Variants in NUP58 observed in about 807,000 individuals in gnomAD.
The protein encoded by NUP58 is nucleoporin p58/p45.
A neutral mutation model predicts 70.1 loss-of-function variants in NUP58; 17 were observed. That is an observed-to-expected ratio of 0.24 (90% CI 0.17 to 0.36). NUP58 has a LOEUF of 0.36. Ranked by LOEUF, NUP58 falls within the 10% of genes least tolerant of loss-of-function variation. The probability of loss-of-function intolerance (pLI) is 1.00; values close to 1 mark genes in which losing one functional copy is unlikely to be tolerated. For synonymous variants in NUP58, 275 were observed against 257.6 expected, an observed-to-expected ratio of 1.07 and a Z score of -0.65; for missense variants, 644 against 701.5, an observed-to-expected ratio of 0.92 and a Z score of 0.93.
At chr13:25,330,252 G>A (rs2137809868) in intron 12 of NUP58, among the ~76,000 whole-genome samples, 1 of 152,314 alleles carries the variant, frequency 6.6e-6, no homozygotes, top group South Asian at 2.1e-4. Flanking sequence ...GGGTGGATTT[G>A]CAAGAGATCG....
At chr13:25,312,493 G>A (rs887444628) in intron 3 of NUP58, among the ~76,000 whole-genome samples, 1 of 152,082 alleles carries the variant, frequency 6.6e-6, no homozygotes, top group Admixed American at 6.5e-5. Context: ...TCAGCCTCCC[G>A]AGTAGCTGGG....
intron 7 of NUP58, among the ~76,000 whole-genome samples, chr13:25,319,728 G>A (rs972586367): frequency 7.9e-5 from 12 of 152,024 alleles, no homozygotes; most frequent in Non-Finnish European, 1.5e-4. Context: ...ATGTCCTGGT[G>A]TTTTCAGTGA....
At chr13:25,349,566 C>T (rs2032083976) in exon 4 of NUP58, 1 of 152,530 alleles carries the variant, frequency 6.6e-6, no homozygotes, top group Non-Finnish European at 1.5e-5. Context: ...TTTCAGGCAA[C>T]AAATCACAGG....
intron 13 of NUP58, chr13:25,336,401 A>C: frequency 2.9e-6 from 2 of 694,590 alleles, no homozygotes; most frequent in South Asian, 3.5e-5. Flanking sequence ...CATATGAGAA[A>C]TCATGCCTAG....
rs1054572829 is a variant in NUP58, at chr13:25,331,997, T to A, written c.1435+439T>A. On this transcript the variant is annotated intron_variant, in intron 13 of 15. Transcript: ENST00000381736. Reference sequence around the variant, plus strand: ...TTCCTCATACATAGTGATTACAAAGTACCCACATTCAGGATGAAGTATGCT... The same window carrying A: ...TTCCTCATACATAGTGATTACAAAGAACCCACATTCAGGATGAAGTATGCT... 1.1e-5 allele frequency: 11 copies of A among 1,015,600 alleles called. No individual in the cohort carries two copies. In the African/African-American group the frequency reaches 1.9e-4, roughly 17 times the overall value. 62.9% of individuals were successfully genotyped at this position (1,015,600 alleles called of 1,614,324 possible).
chr13:25,334,878 G>T (rs533619445), intron 13 of NUP58: 2 of 984,442 alleles, frequency 2.0e-6, no homozygotes. Flanking sequence ...CCAGTCATTG[G>T]TATATATCAC....
At position 25,340,456 on chromosome 13, in the gene NUP58, A is replaced by G. The variant is rs751133529; in HGVS notation, c.*322A>G. 18 of 190,048 alleles carry G rather than the reference A, an allele frequency of 9.5e-5. No homozygotes were observed. Among genetic ancestry groups the G allele is most frequent in the Non-Finnish European group, 1.9e-4 (18 of 93,738 alleles). 11.8% of individuals were successfully genotyped at this position (190,048 alleles called of 1,614,324 possible). A position where few individuals can be genotyped will look rare whatever the true frequency, so the allele number is the denominator to read the frequency against. On this transcript the variant is annotated 3_prime_UTR_variant, in exon 16 of 16. Transcript: ENST00000381736. ...TAGTGTTTTTGTTGATGAGGTTTAC[A>G]TTATGTGAATACATGCACATTTGTT...
intron 9 of NUP58, among the ~76,000 whole-genome samples, chr13:25,324,298 C>T (rs2031303826): frequency 6.6e-6 from 1 of 152,028 alleles, no homozygotes; most frequent in African/African-American, 2.4e-5. Flanking sequence ...ATAAAGAATA[C>T]TTAAATAGAG....
intron 9 of NUP58, among the ~76,000 whole-genome samples, chr13:25,323,106 A>G (rs1376461805): frequency 6.6e-6 from 1 of 152,224 alleles, no homozygotes; most frequent in Non-Finnish European, 1.5e-5. Flanking sequence ...AGAGATAAAA[A>G]GACAACTCCA....
At chr13:25,313,103 A>C in intron 4 of NUP58, 71 bp downstream of exon 4, 2 of 1,499,086 alleles carry the variant, frequency 1.3e-6, no homozygotes, top group Non-Finnish European at 1.8e-6. Context: ...GAACATAGAT[A>C]GTCACCTTAC....
At position 25,301,741 on chromosome 13, in the gene NUP58, C is replaced by T. The variant is rs117039588; in HGVS notation, c.-33C>T. 6,784 of 1,401,232 alleles carry T rather than the reference C, an allele frequency of 4.8e-3. 197 individuals carry two copies. The East Asian group carries it at 0.082, about 17-fold the overall frequency. The allele number at this position is 1,401,232 out of a possible 1,614,324, so 86.8% of individuals were successfully genotyped here. ...CGAGAGAAGTGTCCCAGACCCATTT[C>T]GCCTTGCTGACGGCGTCGAGCCCTG... On this transcript the variant is annotated 5_prime_UTR_variant, in exon 1 of 16. Transcript: ENST00000381736.
chr13:25,314,970 G>A (rs548433886), intron 5 of NUP58, among the ~76,000 whole-genome samples: 10 of 152,092 alleles, frequency 6.6e-5, no homozygotes, highest in African/African-American at 2.4e-4. Flanking sequence ...TTAAAAGTAT[G>A]TAGTTCCAAA....
chr13:25,337,143 G>A, intron 14 of NUP58, 109 bp downstream of exon 14: 1 of 552,658 alleles, frequency 1.8e-6, no homozygotes, highest in Non-Finnish European at 3.0e-6. Context: ...GGAAGTTAAG[G>A]TTCCATCTGG....
intron 13 of NUP58, chr13:25,333,092 C>T: frequency 1.0e-6 from 1 of 985,116 alleles, no homozygotes; most frequent in Non-Finnish European, 1.2e-6. Context: ...TGATAAATAC[C>T]TAAACTTGAA....
intron 5 of NUP58, 48 bp downstream of exon 5, chr13:25,313,799 ATGTACTTATTTT>A: frequency 7.2e-7 from 1 of 1,384,312 alleles, no homozygotes; most frequent in Non-Finnish European, 9.6e-7. Flanking sequence ...TTATATTTAA[ATGTACTTATTTT>A]TATTTTAGTA....
chr13:25,329,065 A>C (rs961183110), intron 12 of NUP58, among the ~76,000 whole-genome samples: 5 of 152,182 alleles, frequency 3.3e-5, no homozygotes, highest in African/African-American at 1.2e-4. Flanking sequence ...ATTTTGTTCT[A>C]AAGGAGGAAT....
At chr13:25,305,137 T>TG (rs1593172476) in intron 1 of NUP58, among the ~76,000 whole-genome samples, 426 of 15,750 alleles carry the variant, frequency 0.027, 13 homozygotes, top group Admixed American at 0.065. Flanking sequence ...GGGGTTTTTT[T>TG]TTTTTTTTTT....
At chr13:25,309,695 T>C (rs572106038) in intron 3 of NUP58, among the ~76,000 whole-genome samples, 1 of 152,160 alleles carries the variant, frequency 6.6e-6, no homozygotes, top group East Asian at 1.9e-4. Context: ...TGAACTAATA[T>C]CCAAAGACAT....
rs1373049936 is a variant in NUP58, at chr13:25,339,956, A to G, written c.1631-9A>G. On this transcript the variant is annotated splice_polypyrimidine_tract_variant and intron_variant, in intron 15 of 15. Transcript: ENST00000381736. ...TTCTGATATGAATATTTTTTTCCCT[A>G]AACATAAGGCTTTGGCAGCTCAAGT... The G allele has an allele frequency of 6.4e-7, 1 of 1,555,934 alleles. No homozygotes were observed. Among genetic ancestry groups the G allele is most frequent in the African/African-American group, 1.4e-5 (1 of 71,190 alleles).
Sources: gnomAD v4.1 joint callset for allele counts (sites outside exome capture counted in the v4.1 genomes callset) on GRCh38, gnomAD v4.1.1 for gene constraint, MANE v1.5 for transcripts, NCBI Gene and HGNC (gene_info 2026-07-23, HGNC 2026-07-21) for gene names.